The following HNMT variants were observed in gnomAD, a reference collection of about 807,000 sequenced individuals.
HNMT encodes the protein histamine N-methyltransferase.
HNMT carries 30 observed loss-of-function variants against 32.1 expected under a neutral mutation model. The observed-to-expected ratio is 0.93, with a 90% CI of 0.70 to 1.27. HNMT has a LOEUF of 1.27. Ranked by LOEUF, HNMT falls within the 50% of genes most tolerant of loss-of-function variation. HNMT has a pLI of 0.00. For synonymous variants in HNMT, 125 were observed against 119.0 expected, an observed-to-expected ratio of 1.05 and a Z score of -0.33; for missense variants, 327 against 346.0, an observed-to-expected ratio of 0.95 and a Z score of 0.43.
Position 137,970,796 on chromosome 2 carries a change from T to G in HNMT, c.190+579T>G, listed in dbSNP as rs538237177. ...TTAGCCAAGCGTGGTGGCAGACGCC[T>G]GTAGTCCCAGCTACTCGGGAGGCTG... On this transcript the variant is annotated intron_variant, in intron 2 of 5. Coordinates refer to ENST00000280097, the MANE Select transcript of HNMT (RefSeq NM_006895.3). Among the ~76,000 whole-genome samples, 64 of 151,890 alleles carry G rather than the reference T, an allele frequency of 4.2e-4. No homozygotes were observed. In the South Asian group the frequency reaches 9.6e-3, roughly 23 times the overall value.
intron 2 of HNMT, among the ~76,000 whole-genome samples, chr2:137,985,210 A>C (rs1455889756): frequency 1.3e-5 from 2 of 152,172 alleles, no homozygotes; most frequent in Non-Finnish European, 2.9e-5. Context: ...ACTAAAAAAA[A>C]AAAAAAAGAT....
intron 2 of HNMT, among the ~76,000 whole-genome samples, chr2:137,978,793 A>T (rs1360907667): frequency 7.2e-6 from 1 of 139,522 alleles, no homozygotes; most frequent in Non-Finnish European, 1.5e-5. Context: ...AATACTTTAT[A>T]ATTATGTAAT....
chr2:137,985,039 C>T (rs1056531559), intron 2 of HNMT, among the ~76,000 whole-genome samples: 2 of 152,120 alleles, frequency 1.3e-5, no homozygotes, highest in Admixed American at 6.6e-5. Flanking sequence ...GTTCTATTCT[C>T]TGCCTTTGAA....
intron 2 of HNMT, chr2:137,988,776 G>A (rs1323503153): frequency 1.3e-5 from 2 of 152,354 alleles, no homozygotes; most frequent in African/African-American, 4.8e-5. Context: ...TTGGGAGGGT[G>A]AGGCAGGAGA....
chr2:137,990,290 T>C (rs1452576386), intron 2 of HNMT, among the ~76,000 whole-genome samples: 1 of 152,086 alleles, frequency 6.6e-6, no homozygotes, highest in African/African-American at 2.4e-5. Flanking sequence ...TCTAGATTCA[T>C]TTTTTTGCAG....
intron 5 of HNMT, among the ~76,000 whole-genome samples, chr2:138,005,745 A>G (rs752554392): frequency 2.0e-5 from 3 of 151,894 alleles, no homozygotes; most frequent in Admixed American, 1.3e-4. Flanking sequence ...TTGGTGTTTT[A>G]TTTTCCAAGG....
At chr2:137,966,508 T>G (rs1424172215) in intron 1 of HNMT, among the ~76,000 whole-genome samples, 2 of 152,324 alleles carry the variant, frequency 1.3e-5, no homozygotes, top group East Asian at 3.9e-4. Context: ...ATTTGAGTGT[T>G]TATGTTATTT....
intron 5 of HNMT, among the ~76,000 whole-genome samples, chr2:138,006,265 A>T (rs1681328920): frequency 6.6e-6 from 1 of 152,070 alleles, no homozygotes; most frequent in Admixed American, 6.6e-5. Context: ...AAAGCACTAT[A>T]AACTGCATTT....
chr2:137,997,723 T>C (rs1461485979), intron 2 of HNMT, among the ~76,000 whole-genome samples: 2 of 152,192 alleles, frequency 1.3e-5, no homozygotes, highest in Non-Finnish European at 2.9e-5. Flanking sequence ...CACATGCATA[T>C]GTATGCTCAC....
intron 5 of HNMT, 100 bp downstream of exon 5, chr2:138,005,325 T>G (rs1416167123): frequency 1.4e-6 from 1 of 728,138 alleles, no homozygotes; most frequent in Non-Finnish European, 2.4e-6. Context: ...GTCTTCATTA[T>G]GAAATTCTTG....
intron 4 of HNMT, 60 bp from the exon 5 acceptor site, chr2:138,005,072 C>T (rs1415945030): frequency 1.1e-5 from 10 of 914,146 alleles, no homozygotes; most frequent in Non-Finnish European, 1.8e-5. Flanking sequence ...AGTATCTAGC[C>T]CAAGCAATAA....
intron 4 of HNMT, 95 bp from the exon 5 acceptor site, chr2:138,005,037 C>A: frequency 1.5e-6 from 1 of 647,770 alleles, no homozygotes; most frequent in Non-Finnish European, 2.7e-6. Context: ...AAAATTCACT[C>A]AACTAGAAAA....
At chr2:138,000,394 G>C (rs1486107453) in intron 2 of HNMT, among the ~76,000 whole-genome samples, 6 of 152,084 alleles carry the variant, frequency 3.9e-5, no homozygotes, top group Admixed American at 3.9e-4. Context: ...TAGTGTTTAT[G>C]AGGGCAGATA....
chr2:138,011,308 C>A (rs1681496997), intron 5 of HNMT, among the ~76,000 whole-genome samples: 1 of 152,094 alleles, frequency 6.6e-6, no homozygotes, highest in Non-Finnish European at 1.5e-5. Flanking sequence ...TTTAGGAAGA[C>A]AATCCACTGT....
chr2:137,991,488 G>A (rs979791387), intron 2 of HNMT, among the ~76,000 whole-genome samples: 5 of 152,190 alleles, frequency 3.3e-5, no homozygotes, highest in African/African-American at 9.6e-5. Flanking sequence ...GTGGAAACAC[G>A]TTATAGTCCT....
chr2:138,015,206 T>C lies in HNMT; in HGVS notation c.*1076T>C, dbSNP rs923759969. Reference sequence around the variant, plus strand: ...ATTTGATGTTTCTTATTTTTAATAATAACGCTCTGTTATTTTTGACATAAA... The same window carrying C: ...ATTTGATGTTTCTTATTTTTAATAACAACGCTCTGTTATTTTTGACATAAA... On this transcript the variant is annotated 3_prime_UTR_variant, in exon 6 of 6. Coordinates refer to ENST00000280097, the MANE Select transcript of HNMT (RefSeq NM_006895.3). 6.6e-6 allele frequency: 1 copy of C among 152,096 alleles called. No individual in the cohort carries two copies. Among genetic ancestry groups the C allele is most frequent in the Non-Finnish European group, 1.5e-5 (1 of 68,008 alleles). 9.4% of individuals were successfully genotyped at this position (152,096 alleles called of 1,614,324 possible). A position where few individuals can be genotyped will look rare whatever the true frequency, so the allele number is the denominator to read the frequency against.
At chr2:137,970,847 G>C (rs1001943430) in intron 2 of HNMT, among the ~76,000 whole-genome samples, 1 of 150,826 alleles carries the variant, frequency 6.6e-6, no homozygotes, top group Non-Finnish European at 1.5e-5. Flanking sequence ...GTGAATCCTG[G>C]AGGCGGAGCT....
intron 4 of HNMT, among the ~76,000 whole-genome samples, chr2:138,004,345 T>C (rs1573675795): frequency 6.6e-6 from 1 of 152,056 alleles, no homozygotes; most frequent in African/African-American, 2.4e-5. Flanking sequence ...TACTTTTCCT[T>C]TGTGCAATGA....
intron 2 of HNMT, among the ~76,000 whole-genome samples, chr2:137,985,234 A>G (rs1446707108): frequency 6.6e-6 from 1 of 152,178 alleles, no homozygotes; most frequent in African/African-American, 2.4e-5. Flanking sequence ...GAATGTATAA[A>G]ACTGCTCTAA....
Sources: gnomAD v4.1 joint callset for allele counts (sites outside exome capture counted in the v4.1 genomes callset) on GRCh38, gnomAD v4.1.1 for gene constraint, MANE v1.5 for transcripts, NCBI Gene and HGNC (gene_info 2026-07-23, HGNC 2026-07-21) for gene names.